IKZF1: variants seen among roughly 807,000 people sequenced by gnomAD.
The protein encoded by IKZF1 is DNA-binding protein Ikaros.
IKZF1 carries 10 observed loss-of-function variants against 51.7 expected under a neutral mutation model. That is an observed-to-expected ratio of 0.19 (90% CI 0.12 to 0.33). The LOEUF (loss-of-function observed/expected upper bound fraction) is 0.33. Among genes scored for constraint, IKZF1 ranks in the 10% least tolerant of loss-of-function variants. The pLI is 1.00. For synonymous variants in IKZF1, 280 were observed against 282.3 expected (o/e 0.99, Z 0.08); for missense variants, 484 against 707.5 (o/e 0.68, Z 3.58).
chr7:50,319,389 T>C (rs1792513458), intron 2 of IKZF1, among the ~76,000 whole-genome samples: 1 of 152,124 alleles, frequency 6.6e-6, no homozygotes, highest in Non-Finnish European at 1.5e-5. Context: ...AATGGCTGAT[T>C]GGTTTAAAAC....
chr7:50,339,215 TTG>T (rs1158908841), intron 3 of IKZF1, among the ~76,000 whole-genome samples: 4,552 of 126,384 alleles, frequency 0.036, 105 homozygotes, highest in African/African-American at 0.074. Context: ...TTGGGTAGGG[TTG>T]TGTGTGTGTG....
At chr7:50,324,519 T>C (rs1271599728) in intron 2 of IKZF1, among the ~76,000 whole-genome samples, 1 of 152,198 alleles carries the variant, frequency 6.6e-6, no homozygotes, top group Non-Finnish European at 1.5e-5. Context: ...GAGTTCCTAT[T>C]GATCAGTCTG....
chr7:50,381,250 CATT>C (rs1811771357), intron 4 of IKZF1, among the ~76,000 whole-genome samples: 1 of 152,290 alleles, frequency 6.6e-6, no homozygotes, highest in African/African-American at 2.4e-5. Context: ...ACCATAATCA[CATT>C]AATCAATCGG....
chr7:50,358,009 T>C (rs1464495547), intron 3 of IKZF1, among the ~76,000 whole-genome samples: 1 of 152,176 alleles, frequency 6.6e-6, no homozygotes, highest in African/African-American at 2.4e-5. Context: ...GGACATAGCA[T>C]AGCACCTTCA....
chr7:50,343,024 C>CTTCTTCCTTCCTTCCT (rs1250572106), intron 3 of IKZF1, among the ~76,000 whole-genome samples: 52 of 151,224 alleles, frequency 3.4e-4, no homozygotes, highest in African/African-American at 1.2e-3. Flanking sequence ...TCCTGTCTTT[C>CTTCTTCCTTCCTTCCT]TTCTTCCTTC....
In IKZF1 at chr7:50,312,486, A is replaced by G. The variant is rs1790433204; in HGVS notation, c.-14-6562A>G. Among the ~76,000 whole-genome samples the G allele has an allele frequency of 2.0e-5, 3 of 152,210 alleles. No individual in the cohort carries two copies. In the South Asian group the frequency reaches 6.2e-4, roughly 32 times the overall value. On this transcript the variant is annotated intron_variant, in intron 1 of 7. Coordinates refer to ENST00000331340, the MANE Select transcript of IKZF1 (RefSeq NM_006060.6). ...GCAGCAACAAACGTGAACACAGAGG[A>G]CTGTCTCCAACTCCACTTTCTCTAT...
In IKZF1 at chr7:50,368,238, C is replaced by T. The variant is rs182128033; in HGVS notation, c.161-8295C>T. 612 of 703,072 alleles carry T rather than the reference C, an allele frequency of 8.7e-4. 2 individuals are homozygous for T. The highest frequency in any genetic ancestry group is 1.2e-3 in the Non-Finnish European group (468 of 385,068). 43.6% of individuals were successfully genotyped at this position (703,072 alleles called of 1,614,324 possible). A position where few individuals can be genotyped will look rare whatever the true frequency, so the allele number is the denominator to read the frequency against. On this transcript the variant is annotated intron_variant, in intron 3 of 7. Coordinates refer to ENST00000331340, the MANE Select transcript of IKZF1 (RefSeq NM_006060.6). ...GGTATTTATACCATAAAGTGCAAAA[C>T]GAAGGTCTAGGCAGTTGTGCGGTGT... is the stretch of plus-strand genomic sequence containing the variant.
At chr7:50,354,194 A>G (rs1246048454) in intron 3 of IKZF1, among the ~76,000 whole-genome samples, 8 of 152,212 alleles carry the variant, frequency 5.3e-5, no homozygotes, top group Admixed American at 3.9e-4. Context: ...AGCAAGCCCA[A>G]CACAGGTGCT....
chr7:50,334,387 G>A (rs971029427), intron 3 of IKZF1, among the ~76,000 whole-genome samples: 3 of 152,068 alleles, frequency 2.0e-5, no homozygotes, highest in South Asian at 4.1e-4. Flanking sequence ...GGGTATATGT[G>A]GTGTGTGATG....
chr7:50,356,642 C>T (rs1803492530), intron 3 of IKZF1, among the ~76,000 whole-genome samples: 1 of 152,224 alleles, frequency 6.6e-6, no homozygotes, highest in Non-Finnish European at 1.5e-5. Context: ...CTTACTCTTA[C>T]TTCCCTTTCT....
upstream of IKZF1, chr7:50,304,042 G>C (rs1170271427): frequency 6.9e-6 from 1 of 145,036 alleles, no homozygotes; most frequent in Non-Finnish European, 1.5e-5. Flanking sequence ...CGCGGTGCGC[G>C]CGGGGGTGGC....
At chr7:50,387,544 TGCAGCCTTAGGA>T in intron 6 of IKZF1, 74 bp downstream of exon 6, 1 of 1,513,486 alleles carries the variant, frequency 6.6e-7, no homozygotes, top group South Asian at 1.3e-5. Flanking sequence ...GCGCTCTGCA[TGCAGCCTTAGGA>T]GCAGAGCCTT....
chr7:50,334,487 A>G lies in IKZF1; in HGVS notation c.160+6730A>G, dbSNP rs1435857666. 2.0e-5 allele frequency among the ~76,000 whole-genome samples: 3 copies of G among 151,348 alleles called. 1 individual carries two copies. In the South Asian group the frequency reaches 6.3e-4, roughly 32 times the overall value. ...TGTAGTTGTATGTTGTGTGTGTCATATGTTTGTGTGTGCATGTATGTGTGT... is the reference window on the plus strand; with the variant it reads ...TGTAGTTGTATGTTGTGTGTGTCATGTGTTTGTGTGTGCATGTATGTGTGT... On this transcript the variant is annotated intron_variant, in intron 3 of 7. Transcript: ENST00000331340.
chr7:50,383,777 G>A (rs1812546578), intron 5 of IKZF1, among the ~76,000 whole-genome samples: 1 of 152,350 alleles, frequency 6.6e-6, no homozygotes, highest in Middle Eastern at 3.4e-3. Context: ...CACCCACCCT[G>A]GGTAGCAGGA....
intron 3 of IKZF1, among the ~76,000 whole-genome samples, chr7:50,362,148 T>A (rs1308639419): frequency 1.7e-4 from 26 of 152,308 alleles, no homozygotes; most frequent in African/African-American, 6.3e-4. Flanking sequence ...CTCCAAATCA[T>A]CTGCTCTGGA....
intron 4 of IKZF1, among the ~76,000 whole-genome samples, chr7:50,380,585 T>C (rs976689618): frequency 6.6e-6 from 1 of 152,264 alleles, no homozygotes; most frequent in East Asian, 1.9e-4. Context: ...ACCAGGATGT[T>C]GTCACATGCT....
At chr7:50,320,930 C>T (rs1470326157) in intron 2 of IKZF1, among the ~76,000 whole-genome samples, 1 of 152,156 alleles carries the variant, frequency 6.6e-6, no homozygotes, top group African/African-American at 2.4e-5. Flanking sequence ...CTTCCACATA[C>T]AGCTCTTAAA....
chr7:50,333,921 C>T (rs1392555312), intron 3 of IKZF1, among the ~76,000 whole-genome samples: 4 of 152,134 alleles, frequency 2.6e-5, no homozygotes, highest in African/African-American at 4.8e-5. Flanking sequence ...CAGATGATCC[C>T]GGTTGGAAAG....
intron 7 of IKZF1, among the ~76,000 whole-genome samples, chr7:50,398,586 G>A (rs1817314529): frequency 6.6e-6 from 1 of 152,210 alleles, no homozygotes; most frequent in Non-Finnish European, 1.5e-5. Context: ...CAGATGGGAA[G>A]GAATTATCCA....
Sources: allele counts gnomAD v4.1 joint callset (sites outside exome capture counted in the v4.1 genomes callset), GRCh38; gene constraint gnomAD v4.1.1; transcripts MANE v1.5; gene names NCBI Gene and HGNC (gene_info 2026-07-23, HGNC 2026-07-21).